Variants in TRIOBP observed in about 807,000 individuals in gnomAD.
TRIOBP encodes TRIO and F-actin binding protein, also known as TRIO and F-actin-binding protein.
TRIOBP carries 169 observed loss-of-function variants against 238.8 expected under a neutral mutation model. The ratio of observed to expected loss-of-function variants is 0.71; its 90% CI spans 0.62 to 0.80. TRIOBP has a LOEUF of 0.80. Among genes scored for constraint, TRIOBP ranks in the 30% least tolerant of loss-of-function variants. The pLI is 0.00. For synonymous variants in TRIOBP, 1,150 were observed against 1,274.4 expected (o/e 0.90, Z 2.08); for missense variants, 2,838 against 3,122.6 (o/e 0.91, Z 2.17).
rs747817595 is a variant in TRIOBP, at chr22:37,725,291, G to A, written c.2735G>A (p.Arg912Gln). The change falls in exon 7 of 24, where the codon CGG becomes CAG. Residue 912 changes from arginine (R) to glutamine (Q), a missense_variant. Physicochemically the swap from Arg to Gln is conservative, Grantham distance 43 (BLOSUM62 1). Coordinates refer to ENST00000644935, the MANE Select transcript of TRIOBP (RefSeq NM_001039141.3). Reference sequence around the variant, plus strand: ...ATCCCCTGGGCCTCGTTTCCCCTCCGGCCAACTCAGAGTGATGGTCCCCGA... The same window carrying A: ...ATCCCCTGGGCCTCGTTTCCCCTCCAGCCAACTCAGAGTGATGGTCCCCGA... The part of the protein sequence containing the change: ...KDIPWASFPL[R>Q]PTQSDGPRTS... The A allele has an allele frequency of 5.6e-6, 9 of 1,613,624 alleles. No homozygotes were observed. The highest frequency in any genetic ancestry group is 1.7e-5 in the Admixed American group (1 of 59,974).
chr22:37,752,901 G>A (rs1055592737), intron 12 of TRIOBP, among the ~76,000 whole-genome samples: 1 of 152,322 alleles, frequency 6.6e-6, no homozygotes, highest in African/African-American at 2.4e-5. Context: ...GGCCCATGAG[G>A]GTGTTGGTCT....
At chr22:37,772,967 A>C (rs1049052227) in intron 23 of TRIOBP, among the ~76,000 whole-genome samples, 1 of 152,228 alleles carries the variant, frequency 6.6e-6, no homozygotes, top group Non-Finnish European at 1.5e-5. Flanking sequence ...CATCAGCTTA[A>C]GCCTGTTCCT....
intron 18 of TRIOBP, among the ~76,000 whole-genome samples, chr22:37,767,681 G>A (rs1382966111): frequency 2.0e-5 from 3 of 152,166 alleles, no homozygotes; most frequent in Non-Finnish European, 4.4e-5. Context: ...AAGCAGATAG[G>A]CCTTGTTTGA....
chr22:37,769,703 G>A (rs1013704258), intron 21 of TRIOBP, among the ~76,000 whole-genome samples: 1 of 152,120 alleles, frequency 6.6e-6, no homozygotes, highest in African/African-American at 2.4e-5. Context: ...TGTGATGCCA[G>A]TATCACTGTA....
chr22:37,767,875 G>C (rs1926579271), intron 18 of TRIOBP, among the ~76,000 whole-genome samples, 199 bp from the exon 19 acceptor site: 1 of 152,136 alleles, frequency 6.6e-6, no homozygotes, highest in African/African-American at 2.4e-5. Context: ...CTCAGTTTAT[G>C]ACACAACCTG....
Position 37,771,419 on chromosome 22 carries a change from G to A in TRIOBP, c.6850-231G>A, listed in dbSNP as rs555955648. 4.6e-5 allele frequency among the ~76,000 whole-genome samples: 7 copies of A among 152,252 alleles called. 1 individual carries two copies. In the South Asian group the frequency reaches 6.2e-4, roughly 14 times the overall value. The stretch of plus-strand genomic sequence containing the variant: ...CATGAGGGCTGCAGCAGACTTGACC[G>A]TGAGATATCCACTCACACGGGCTGG... On this transcript the variant is annotated intron_variant, in intron 21 of 23. Coordinates refer to ENST00000644935, the MANE Select transcript of TRIOBP (RefSeq NM_001039141.3).
intron 6 of TRIOBP, among the ~76,000 whole-genome samples, chr22:37,722,451 G>A (rs1923883725): frequency 6.6e-6 from 1 of 151,280 alleles, no homozygotes. Context: ...AAAAGGTCGG[G>A]CATGGTGGCT....
chr22:37,753,224 C>CGAGGATGG, intron 12 of TRIOBP, among the ~76,000 whole-genome samples: 1 of 152,224 alleles, frequency 6.6e-6, no homozygotes, highest in East Asian at 1.9e-4. Context: ...AGAGGATGGG[C>CGAGGATGG]GCCGCTCGCC....
rs779295278 is a variant in TRIOBP at position 37,754,944 on chromosome 22, A to G, written c.5447A>G (p.Asp1816Gly). Residue 1816 changes from aspartate to glycine, a missense_variant, in exon 13 of 24, where the codon GAT becomes GGT. This residue lies in a region of TRIOBP where 2,096 missense variants were observed against 2,137.4 expected (regional missense o/e 0.98). Transcript: ENST00000644935. ...QWKKHWFVLT[D>G]SSLKYYRDST... Reference sequence around the variant, plus strand: ...AAGAAACATTGGTTTGTGCTGACAGATTCAAGTCTCAAATATTACAGAGAC... The same window carrying G: ...AAGAAACATTGGTTTGTGCTGACAGGTTCAAGTCTCAAATATTACAGAGAC... 1.9e-6 allele frequency: 3 copies of G among 1,614,160 alleles called. No homozygotes were observed. The highest frequency in any genetic ancestry group is 2.5e-6 in the Non-Finnish European group (3 of 1,180,038).
chr22:37,771,900 G>A, intron 22 of TRIOBP, 164 bp downstream of exon 22: 2 of 723,554 alleles, frequency 2.8e-6, no homozygotes, highest in Non-Finnish European at 5.0e-6. Flanking sequence ...CACTGACAGG[G>A]AAACTGAGAC....
At position 37,732,509 on chromosome 22, in the gene TRIOBP, C is replaced by CAAAAAAAA. The variant is rs36003951; in HGVS notation, c.3948-776_3948-769dup. Among the ~76,000 whole-genome samples, 3 of 99,840 alleles carry CAAAAAAAA rather than the reference C, an allele frequency of 3.0e-5. 1 individual carries two copies. The highest frequency in any genetic ancestry group is 7.9e-5 in the African/African-American group (2 of 25,316). 65.5% of individuals were successfully genotyped at this position (99,840 alleles called of 152,430 possible). On this transcript the variant is annotated intron_variant, in intron 7 of 23. Transcript: ENST00000644935. The stretch of plus-strand genomic sequence containing the variant: ...TGGGTGACAGAGCGAGACTCCATCT[C>CAAAAAAAA]AAAAAAAAAAAAAAAAAAAAGACAC...
chr22:37,709,314 T>G (rs1435802505), intron 3 of TRIOBP, among the ~76,000 whole-genome samples: 2 of 152,170 alleles, frequency 1.3e-5, no homozygotes, highest in Non-Finnish European at 2.9e-5. Context: ...CTCTTGCCCC[T>G]CCCGGCTCTC....
At chr22:37,736,202 TG>T (rs1185445738) in intron 9 of TRIOBP, among the ~76,000 whole-genome samples, 10 of 152,340 alleles carry the variant, frequency 6.6e-5, no homozygotes, top group Non-Finnish European at 1.5e-4. Flanking sequence ...CTGAAGATGG[TG>T]GGCAGGGAGG....
intron 11 of TRIOBP, chr22:37,746,268 CG>C: frequency 9.3e-7 from 1 of 1,073,592 alleles, no homozygotes; most frequent in Non-Finnish European, 1.1e-6. Context: ...GGGGCAGCGT[CG>C]GGGAAAGGAA....
chr22:37,710,854 G>A (rs1393880675), intron 4 of TRIOBP, among the ~76,000 whole-genome samples: 3 of 152,226 alleles, frequency 2.0e-5, no homozygotes, highest in Non-Finnish European at 4.4e-5. Context: ...TCCCAAGACC[G>A]AGCTCAGCTT....
At position 37,742,118 on chromosome 22, in the gene TRIOBP, C is replaced by T. The variant is rs1023073622; in HGVS notation, c.5322+1086C>T. Among the ~76,000 whole-genome samples the T allele has an allele frequency of 2.6e-5, 4 of 151,612 alleles. No individual in the cohort carries two copies. In the South Asian group the frequency reaches 8.3e-4, roughly 32 times the overall value. ...AATTATAGGCGTGCGCCACTGCACC[C>T]GGCTAATTTTTTGTATTTTTAGTAC... On this transcript the variant is annotated intron_variant, in intron 11 of 23. Coordinates refer to ENST00000644935, the MANE Select transcript of TRIOBP (RefSeq NM_001039141.3).
At chr22:37,698,499 A>G (rs149347245) in intron 2 of TRIOBP, among the ~76,000 whole-genome samples, 9 of 150,602 alleles carry the variant, frequency 6.0e-5, no homozygotes, top group African/African-American at 2.2e-4. Flanking sequence ...GATTACAGGC[A>G]TGCGCACCAC....
chr22:37,752,360 C>G (rs1235182726), intron 12 of TRIOBP, among the ~76,000 whole-genome samples: 1 of 152,220 alleles, frequency 6.6e-6, no homozygotes, highest in Non-Finnish European at 1.5e-5. Flanking sequence ...ACAGGTGCCA[C>G]AAAGCTCCTG....
intron 7 of TRIOBP, among the ~76,000 whole-genome samples, chr22:37,732,415 G>A (rs1924468683): frequency 6.8e-6 from 1 of 147,610 alleles, no homozygotes. Flanking sequence ...GGAGATTAAG[G>A]CAGAGAATCA....
Sources: gnomAD v4.1 joint callset for allele counts (sites outside exome capture counted in the v4.1 genomes callset) on GRCh38, gnomAD v4.1.1 for gene constraint, gnomAD v4.1.1 regional missense constraint, MANE v1.5 for transcripts, NCBI Gene and HGNC (gene_info 2026-07-23, HGNC 2026-07-21) for gene names.